Variants in DYM observed in about 807,000 individuals in gnomAD.
DYM encodes dyggve-Melchior-Clausen syndrome protein.
DYM carries 78 observed loss-of-function variants against 93.1 expected under a neutral mutation model. The ratio of observed to expected loss-of-function variants is 0.84; its 90% CI spans 0.70 to 1.01. The LOEUF (loss-of-function observed/expected upper bound fraction) is 1.01. DYM is among the 50% of genes least tolerant of loss of function. The pLI is 0.00. For missense variants in DYM, 789 were observed against 845.0 expected, an observed-to-expected ratio of 0.93 and a Z score of 0.82; for synonymous variants, 321 against 319.7, an observed-to-expected ratio of 1.00 and a Z score of -0.04.
intron 8 of DYM, among the ~76,000 whole-genome samples, chr18:49,315,930 C>T (rs2061903069): frequency 6.6e-6 from 1 of 151,022 alleles, no homozygotes; most frequent in South Asian, 2.1e-4. Context: ...AATGGAAGTG[C>T]CAGGACAATA....
At chr18:49,293,387 T>C (rs1180916310) in intron 8 of DYM, among the ~76,000 whole-genome samples, 1 of 152,202 alleles carries the variant, frequency 6.6e-6, no homozygotes, top group African/African-American at 2.4e-5. Context: ...TTCTAGATCC[T>C]TGAGGAATCA....
intron 2 of DYM, among the ~76,000 whole-genome samples, chr18:49,420,404 G>A (rs931482658): frequency 6.6e-6 from 1 of 152,040 alleles, no homozygotes; most frequent in African/African-American, 2.4e-5. Flanking sequence ...GCTGAATTCA[G>A]GTGATCCACC....
At chr18:49,176,003 T>A (rs560394684) in intron 14 of DYM, among the ~76,000 whole-genome samples, 2 of 152,292 alleles carry the variant, frequency 1.3e-5, no homozygotes, top group African/African-American at 4.8e-5. Context: ...ATGACCTTCA[T>A]GGTATGACTG....
At position 49,041,338 on chromosome 18, in the gene DYM, C is replaced by T. The variant is rs571207149; in HGVS notation, c.*2717G>A. ...TTGATAAAATGACACAATGCAGTAA[C>T]AGCTTCAGATCTGGGGTAAAATCAG... On this transcript the variant is annotated 3_prime_UTR_variant, in exon 18 of 18. Coordinates refer to ENST00000675505, the MANE Select transcript of DYM (RefSeq NM_001353214.3). 1.1e-4 allele frequency: 17 copies of T among 152,332 alleles called. No individual in the cohort carries two copies. Among genetic ancestry groups the T allele is most frequent in the Non-Finnish European group, 1.5e-5 (1 of 68,038 alleles). The allele number at this position is 152,332 out of a possible 1,614,324, so 9.4% of individuals were successfully genotyped here. A position where few individuals can be genotyped will look rare whatever the true frequency, so the allele number is the denominator to read the frequency against.
chr18:49,387,315 C>A (rs538995082), intron 3 of DYM, among the ~76,000 whole-genome samples: 1 of 151,940 alleles, frequency 6.6e-6, no homozygotes, highest in Non-Finnish European at 1.5e-5. Context: ...CTCACTCTGT[C>A]GCCCAGGCTG....
At chr18:49,302,996 T>C (rs2061039063) in intron 8 of DYM, among the ~76,000 whole-genome samples, 1 of 152,234 alleles carries the variant, frequency 6.6e-6, no homozygotes, top group African/African-American at 2.4e-5. Context: ...AATAGCATTT[T>C]GTGGTTTTCA....
intron 1 of DYM, among the ~76,000 whole-genome samples, chr18:49,456,169 T>C (rs981116043): frequency 7.9e-5 from 12 of 152,122 alleles, no homozygotes; most frequent in Non-Finnish European, 1.0e-4. Flanking sequence ...GACCCAGAAA[T>C]CAAGGGCCAT....
chr18:49,285,660 G>A (rs1018656850), intron 9 of DYM, among the ~76,000 whole-genome samples: 13 of 152,196 alleles, frequency 8.5e-5, no homozygotes, highest in African/African-American at 2.7e-4. Flanking sequence ...CGCCATCTAG[G>A]TTTGTCTAAG....
chr18:49,429,722 T>C (rs917854302), intron 2 of DYM, among the ~76,000 whole-genome samples: 11 of 152,274 alleles, frequency 7.2e-5, no homozygotes, highest in African/African-American at 2.6e-4. Flanking sequence ...ATACTAAAGA[T>C]ATATTGTGTG....
chr18:49,436,915 C>T (rs958332714), intron 1 of DYM, among the ~76,000 whole-genome samples: 1 of 152,104 alleles, frequency 6.6e-6, no homozygotes, highest in Non-Finnish European at 1.5e-5. Flanking sequence ...TAAAAGCAAG[C>T]AATTTTACTC....
At chr18:49,226,574 C>A (rs537187091) in intron 13 of DYM, among the ~76,000 whole-genome samples, 1 of 152,256 alleles carries the variant, frequency 6.6e-6, no homozygotes, top group African/African-American at 2.4e-5. Flanking sequence ...CAAATGCAGA[C>A]ATTCATTTGA....
chr18:49,119,850 G>T (rs1408640682), intron 15 of DYM, among the ~76,000 whole-genome samples: 1 of 152,048 alleles, frequency 6.6e-6, no homozygotes, highest in East Asian at 1.9e-4. Context: ...CACTTTGGGA[G>T]GCCAAGGTGG....
At chr18:49,355,762 A>G (rs1359419357) in intron 6 of DYM, among the ~76,000 whole-genome samples, 1 of 152,162 alleles carries the variant, frequency 6.6e-6, no homozygotes, top group Non-Finnish European at 1.5e-5. Flanking sequence ...TTTCTGCTCA[A>G]TTTTGTGGTG....
At chr18:49,131,165 G>A (rs1263488602) in intron 15 of DYM, among the ~76,000 whole-genome samples, 1 of 152,180 alleles carries the variant, frequency 6.6e-6, no homozygotes, top group African/African-American at 2.4e-5. Context: ...AAGAAAAAAG[G>A]AGGAAAAACA....
rs187472352 is a variant in DYM, at chr18:49,253,079, T to C, written c.1460+3931A>G. ...TACATTTATGTCCAGCTAAGGAGGC[T>C]TTTCAAAGATTTATCCACATCCTTT... On this transcript the variant is annotated intron_variant, in intron 13 of 17. Coordinates refer to ENST00000675505, the MANE Select transcript of DYM (RefSeq NM_001353214.3). 1.7e-3 allele frequency among the ~76,000 whole-genome samples: 252 copies of C among 152,320 alleles called. 1 individual carries two copies. Among genetic ancestry groups the C allele is most frequent in the African/African-American group, 5.6e-3 (231 of 41,570 alleles).
chr18:49,292,733 C>T (rs1246809374), intron 8 of DYM, among the ~76,000 whole-genome samples: 1 of 151,682 alleles, frequency 6.6e-6, no homozygotes, highest in Non-Finnish European at 1.5e-5. Flanking sequence ...AATTGTATCC[C>T]TTGGGTCTTC....
intron 6 of DYM, among the ~76,000 whole-genome samples, chr18:49,351,064 T>G (rs377050133): frequency 1.3e-5 from 2 of 151,736 alleles, no homozygotes; most frequent in Non-Finnish European, 2.9e-5. Flanking sequence ...AAAGTTGAGA[T>G]AAGAGAGGTT....
intron 9 of DYM, among the ~76,000 whole-genome samples, chr18:49,286,047 CTT>C (rs796158142): frequency 6.7e-6 from 1 of 149,236 alleles, no homozygotes; most frequent in Admixed American, 6.7e-5. Flanking sequence ...GTGTTCTAAT[CTT>C]TTTTTTTTGT....
At chr18:49,066,660 C>T (rs898267448) in intron 17 of DYM, among the ~76,000 whole-genome samples, 3 of 152,012 alleles carry the variant, frequency 2.0e-5, no homozygotes, top group South Asian at 2.1e-4. Flanking sequence ...TACATCTGTT[C>T]GACTTTAGCA....
Sources: gnomAD v4.1 joint callset for allele counts (sites outside exome capture counted in the v4.1 genomes callset) on GRCh38, gnomAD v4.1.1 for gene constraint, MANE v1.5 for transcripts, NCBI Gene and HGNC (gene_info 2026-07-23, HGNC 2026-07-21) for gene names.